The following PIN4 variants were observed in gnomAD, a reference collection of about 807,000 sequenced individuals.
PIN4 encodes the protein peptidylprolyl cis/trans isomerase, NIMA-interacting 4, also known as peptidyl-prolyl cis-trans isomerase NIMA-interacting 4.
A neutral mutation model predicts 8.3 loss-of-function variants in PIN4; 3 were observed. The ratio of observed to expected loss-of-function variants is 0.36; its 90% confidence interval spans 0.16 to 0.93. The LOEUF (loss-of-function observed/expected upper bound fraction) is 0.93. PIN4 is among the 40% of genes least tolerant of loss of function. The probability of loss-of-function intolerance (pLI) is 0.44; values close to 1 mark genes in which losing one functional copy is unlikely to be tolerated. For synonymous variants in PIN4, 18 were observed against 32.5 expected, an observed-to-expected ratio of 0.55 and a Z score of 1.52; for missense variants, 75 against 100.6, an observed-to-expected ratio of 0.75 and a Z score of 1.09.
At chrX:72,225,551 G>A (rs1336072895) in intron 3 of PIN4, among the ~76,000 whole-genome samples, 1 of 112,387 alleles carries the variant, frequency 8.9e-6, no homozygotes, top group Non-Finnish European at 1.9e-5. Context: ...CAGCATGAAA[G>A]CAAAGCATTC....
chrX:72,194,023 G>C (rs1003075343), intron 2 of PIN4, among the ~76,000 whole-genome samples: 6 of 112,209 alleles, frequency 5.3e-5, no homozygotes, highest in African/African-American at 1.9e-4. Flanking sequence ...AAGTTAAAAA[G>C]ATATAATAAC....
chrX:72,203,488 C>T (rs2042799344), intron 3 of PIN4, among the ~76,000 whole-genome samples: 1 of 111,323 alleles, frequency 9.0e-6, no homozygotes, highest in South Asian at 3.8e-4. Flanking sequence ...AGCCCTTAAA[C>T]TTGTGGAGTC....
At chrX:72,259,240 C>T (rs1391887312) in intron 3 of PIN4, among the ~76,000 whole-genome samples, 13 of 92,759 alleles carry the variant, frequency 1.4e-4, no homozygotes, top group South Asian at 5.3e-4. Context: ...TTTTTTGAGA[C>T]GGAGTTTCGC....
chrX:72,258,124 G>A, intron 3 of PIN4, among the ~76,000 whole-genome samples: 1 of 111,079 alleles, frequency 9.0e-6, no homozygotes, highest in South Asian at 3.8e-4. Flanking sequence ...AGGACAGGGT[G>A]TGGAGACTGT....
chrX:72,182,803 T>A (rs1326653711), intron 1 of PIN4, among the ~76,000 whole-genome samples: 1 of 111,256 alleles, frequency 9.0e-6, no homozygotes, highest in Non-Finnish European at 1.9e-5. Flanking sequence ...AGCACTGAGG[T>A]GAGAAACAGC....
intron 3 of PIN4, among the ~76,000 whole-genome samples, chrX:72,241,858 A>G (rs1481983564): frequency 1.8e-5 from 2 of 111,625 alleles, no homozygotes; most frequent in Non-Finnish European, 3.8e-5. Flanking sequence ...GCATTTTATT[A>G]TAGCAGCACA....
chrX:72,249,088 G>T (rs900663190), intron 3 of PIN4, among the ~76,000 whole-genome samples: 3 of 111,240 alleles, frequency 2.7e-5, no homozygotes, highest in African/African-American at 9.8e-5. Flanking sequence ...CTGATACCCA[G>T]AATATATAAA....
At chrX:72,221,958 C>T (rs1407928723) in intron 3 of PIN4, among the ~76,000 whole-genome samples, 1 of 109,949 alleles carries the variant, frequency 9.1e-6, no homozygotes, top group Non-Finnish European at 1.9e-5. Context: ...TTTGACCCTG[C>T]AGATGAACCC....
At position 72,182,459 on chromosome X, in the gene PIN4, G is replaced by T. The variant is rs1042187174; in HGVS notation, c.43+631G>T. Among the ~76,000 whole-genome samples, 4 of 110,097 alleles carry T rather than the reference G, an allele frequency of 3.6e-5. No homozygotes were observed. In the Admixed American group the frequency reaches 3.9e-4, roughly 11 times the overall value. On this transcript the variant is annotated intron_variant, in intron 1 of 3. Coordinates refer to ENST00000373669, the MANE Select transcript of PIN4 (RefSeq NM_006223.4). ...CTCGGGAGGCTGAGGCAGGAGAATC[G>T]CTTGAACTCGGGAGGCAGAGGTTGC...
chrX:72,248,293 A>G (rs76901694), intron 3 of PIN4, among the ~76,000 whole-genome samples: 14 of 1,755 alleles, frequency 8.0e-3, no homozygotes, highest in African/African-American at 0.059. Flanking sequence ...TCCATCCAGA[A>G]AAAAAAAAAA....
intron 2 of PIN4, among the ~76,000 whole-genome samples, chrX:72,189,068 G>C (rs2042718324): frequency 9.0e-6 from 1 of 111,629 alleles, no homozygotes; most frequent in Non-Finnish European, 1.9e-5. Flanking sequence ...GGGAGGCTGA[G>C]GTAGGAGGAT....
At chrX:72,238,935 AC>A in intron 3 of PIN4, 1 of 1,159,709 alleles carries the variant, frequency 8.6e-7, no homozygotes, top group African/African-American at 1.8e-5. Context: ...GGTTCCAGTT[AC>A]CCCGGCGGGA....
Position 72,216,334 on chromosome X carries a change from A to C in PIN4, c.312+19430A>C, listed in dbSNP as rs73550765. On this transcript the variant is annotated intron_variant, in intron 3 of 3. Coordinates refer to the PIN4 transcript ENST00000423432. The stretch of plus-strand genomic sequence containing the variant: ...AGAGGCTTGGAACAGATTATTTCTC[A>C]GTCTCCAAAAAGAAACCAACCCTGC... Among the ~76,000 whole-genome samples the C allele has an allele frequency of 2.7e-3, 296 of 111,696 alleles. 1 individual carries two copies. The highest frequency in any genetic ancestry group is 9.2e-3 in the African/African-American group (282 of 30,746).
chrX:72,240,840 A>C (rs1209234263), intron 3 of PIN4, among the ~76,000 whole-genome samples: 2 of 110,511 alleles, frequency 1.8e-5, no homozygotes, highest in Non-Finnish European at 3.8e-5. Context: ...GGGATCTTGG[A>C]GAACATGGGC....
At chrX:72,259,606 C>T (rs983522978) in intron 3 of PIN4, among the ~76,000 whole-genome samples, 1 of 110,773 alleles carries the variant, frequency 9.0e-6, no homozygotes. Context: ...CAATTATTAT[C>T]CCCTTTTACA....
At chrX:72,248,398 C>G (rs2043075708) in intron 3 of PIN4, among the ~76,000 whole-genome samples, 1 of 103,570 alleles carries the variant, frequency 9.7e-6, no homozygotes, top group African/African-American at 3.4e-5. Context: ...GCACTAAGGT[C>G]AGGTTTTACA....
At chrX:72,194,562 C>T (rs1442113691) in intron 2 of PIN4, among the ~76,000 whole-genome samples, 3 of 104,271 alleles carry the variant, frequency 2.9e-5, no homozygotes, top group African/African-American at 1.1e-4. Context: ...GCTAGCCAGG[C>T]GTGGTGGTGC....
intron 1 of PIN4, among the ~76,000 whole-genome samples, chrX:72,184,907 C>G (rs1260348298): frequency 9.1e-6 from 1 of 109,563 alleles, no homozygotes. Flanking sequence ...CTTTGGGAGG[C>G]CGAGGCTCGC....
intron 2 of PIN4, among the ~76,000 whole-genome samples, chrX:72,187,238 G>A (rs1392614139): frequency 8.9e-6 from 1 of 112,044 alleles, no homozygotes; most frequent in African/African-American, 3.2e-5. Context: ...CACAAACCAG[G>A]GTCTTGACCA....
Sources: allele counts gnomAD v4.1 joint callset (sites outside exome capture counted in the v4.1 genomes callset), GRCh38; gene constraint gnomAD v4.1.1; transcripts MANE v1.5; gene names NCBI Gene and HGNC (gene_info 2026-07-23, HGNC 2026-07-21).